TAB1: variants seen among roughly 807,000 people sequenced by gnomAD.
TAB1 encodes TGF-beta-activated kinase 1 and MAP3K7-binding protein 1.
A neutral mutation model predicts 54.5 loss-of-function variants in TAB1; 30 were observed. The observed-to-expected ratio is 0.55, with a 90% CI of 0.41 to 0.75. The LOEUF is 0.75. TAB1 is among the 30% of genes least tolerant of loss of function. The pLI, the probability that TAB1 is intolerant of heterozygous loss-of-function variation, is 0.00. For missense variants in TAB1, 609 were observed against 683.2 expected (o/e 0.89, Z 1.21); for synonymous variants, 289 against 286.9 (o/e 1.01, Z -0.07).
chr22:39,432,113 A>G (rs1927608323), downstream of TAB1, among the ~76,000 whole-genome samples: 1 of 152,182 alleles, frequency 6.6e-6, no homozygotes, highest in South Asian at 2.1e-4. Flanking sequence ...AGATGTGTTC[A>G]TGCACATCTG....
At chr22:39,407,072 T>A (rs531372268) in intron 1 of TAB1, among the ~76,000 whole-genome samples, 1 of 152,334 alleles carries the variant, frequency 6.6e-6, no homozygotes, top group African/African-American at 2.4e-5. Context: ...CTGGGATGAA[T>A]GCATTAAGAT....
downstream of TAB1, among the ~76,000 whole-genome samples, chr22:39,432,178 G>A (rs1246918589): frequency 6.6e-6 from 1 of 152,252 alleles, no homozygotes; most frequent in African/African-American, 2.4e-5. Flanking sequence ...CATGGCCAGT[G>A]GCAGGGTTGT....
rs772628401 is a variant in TAB1, at chr22:39,430,144, G to A, written c.1437G>A (p.Glu479=). 11 of 1,613,876 alleles carry A rather than the reference G, an allele frequency of 6.8e-6. No individual in the cohort carries two copies. The highest frequency in any genetic ancestry group is 6.7e-5 in the East Asian group (3 of 44,896). ...SLPPGEDGRV[E]PYVDFAEFYR... ...CGCCTGGCGAGGACGGTCGTGTTGA[G>A]CCCTATGTGGACTTTGCTGAGTTTT... Residue 479 remains glutamate, a synonymous_variant, in exon 11 of 11, where the codon GAG becomes GAA. Transcript: ENST00000216160.
chr22:39,407,513 T>G (rs1181674590), intron 1 of TAB1, among the ~76,000 whole-genome samples: 1 of 151,246 alleles, frequency 6.6e-6, no homozygotes, highest in East Asian at 2.0e-4. Context: ...AGAGGGAGCC[T>G]CACTCTGTCT....
intron 8 of TAB1, among the ~76,000 whole-genome samples, chr22:39,424,855 C>T (rs1000817236): frequency 1.1e-4 from 16 of 152,058 alleles, no homozygotes; most frequent in African/African-American, 3.9e-4. Context: ...AATTTGGGGT[C>T]CACGGAGTTC....
chr22:39,426,972 G>T lies in TAB1; in HGVS notation c.1144+47G>T, dbSNP rs757555381. The stretch of plus-strand genomic sequence containing the variant: ...GCAGTGCCTGGGGATGCCATCTGGG[G>T]GCCAGAGGTGGGTGCAGAGCCCCCG... On this transcript the variant is annotated intron_variant, in intron 9 of 10. Transcript: ENST00000216160. 3 of 1,578,236 alleles carry T rather than the reference G, an allele frequency of 1.9e-6. No individual in the cohort carries two copies. In the South Asian group the frequency reaches 3.4e-5, roughly 18 times the overall value.
chr22:39,414,932 A>G, intron 1 of TAB1, 74 bp from the exon 2 acceptor site: 2 of 1,584,828 alleles, frequency 1.3e-6, no homozygotes, highest in Non-Finnish European at 1.7e-6. Flanking sequence ...TTTTTGTTGC[A>G]GAAGGAATAG....
chr22:39,436,359 A>G (rs1927784605), downstream of TAB1: 1 of 717,158 alleles, frequency 1.4e-6, no homozygotes, highest in East Asian at 2.6e-5. Flanking sequence ...GTAATATCTC[A>G]TTTAACCTGG....
intron 1 of TAB1, 74 bp downstream of exon 1, chr22:39,399,909 T>G: frequency 6.7e-7 from 1 of 1,503,188 alleles, no homozygotes. Context: ...CAGGAACGGC[T>G]CCTTCTCCGA....
rs778941471 is a variant in TAB1 at position 39,430,138 on chromosome 22, T to A, written c.1431T>A (p.Arg477=). Reference sequence around the variant, plus strand: ...CGCTCCCGCCTGGCGAGGACGGTCGTGTTGAGCCCTATGTGGACTTTGCTG... The same window carrying A: ...CGCTCCCGCCTGGCGAGGACGGTCGAGTTGAGCCCTATGTGGACTTTGCTG... The part of the protein sequence containing the change: ...AHSLPPGEDG[R]VEPYVDFAEF... Residue 477 remains arginine, a synonymous_variant, in exon 11 of 11, where the codon CGT becomes CGA. Coordinates refer to ENST00000216160, the MANE Select transcript of TAB1 (RefSeq NM_006116.3). The A allele has an allele frequency of 4.3e-6, 7 of 1,613,908 alleles. No individual in the cohort carries two copies. The East Asian group carries it at 8.9e-5, about 21-fold the overall frequency.
At chr22:39,419,473 T>C (rs367936255) in intron 6 of TAB1, 46 bp from the exon 7 acceptor site, 2 of 1,481,964 alleles carry the variant, frequency 1.3e-6, no homozygotes, top group Admixed American at 3.7e-5. Flanking sequence ...TTTTTGTTCC[T>C]CTTTGTGAAC....
Position 39,431,088 on chromosome 22 carries a change from C to T in TAB1, c.*866C>T. 1 of 985,652 alleles carries T rather than the reference C, an allele frequency of 1.0e-6. No individual in the cohort carries two copies. Among genetic ancestry groups the T allele is most frequent in the Non-Finnish European group, 1.2e-6 (1 of 830,088 alleles). 61.1% of individuals were successfully genotyped at this position (985,652 alleles called of 1,614,324 possible). On this transcript the variant is annotated 3_prime_UTR_variant, in exon 11 of 11. Coordinates refer to ENST00000216160, the MANE Select transcript of TAB1 (RefSeq NM_006116.3). ...AACTGTCTTTACCACTGATGAGGGG[C>T]CTCTGCCGGCTGAGGGTAGCAAGCA...
At chr22:39,407,451 G>A (rs1200191849) in intron 1 of TAB1, among the ~76,000 whole-genome samples, 3 of 151,794 alleles carry the variant, frequency 2.0e-5, no homozygotes. Context: ...AATAGAGTGG[G>A]CAGCCTTGCT....
chr22:39,402,044 T>C (rs1020122667), intron 1 of TAB1, among the ~76,000 whole-genome samples: 1 of 152,144 alleles, frequency 6.6e-6, no homozygotes, highest in African/African-American at 2.4e-5. Flanking sequence ...CTTGTTATTG[T>C]AGACCTGTGT....
chr22:39,417,976 T>C (rs1224520823), intron 5 of TAB1, 127 bp downstream of exon 5: 5 of 1,244,820 alleles, frequency 4.0e-6, no homozygotes, highest in South Asian at 3.3e-5. Context: ...CCTGAGACCG[T>C]TGGGTATGTC....
At chr22:39,405,440 G>C (rs766387638) in intron 1 of TAB1, among the ~76,000 whole-genome samples, 6 of 152,234 alleles carry the variant, frequency 3.9e-5, no homozygotes, top group Non-Finnish European at 7.3e-5. Flanking sequence ...GTTAAGTCCT[G>C]CGTTCGCTGT....
chr22:39,420,377 A>G (rs988940299), intron 7 of TAB1, among the ~76,000 whole-genome samples: 2 of 152,200 alleles, frequency 1.3e-5, no homozygotes, highest in Admixed American at 1.3e-4. Context: ...CTTAACCGTC[A>G]GGTAACCTGT....
At chr22:39,424,384 A>G (rs929446348) in intron 8 of TAB1, among the ~76,000 whole-genome samples, 1 of 150,170 alleles carries the variant, frequency 6.7e-6, no homozygotes, top group African/African-American at 2.5e-5. Flanking sequence ...ATGCAGATCT[A>G]CTTCGAAAAA....
intron 7 of TAB1, among the ~76,000 whole-genome samples, chr22:39,419,890 C>T (rs762086611): frequency 6.6e-6 from 1 of 152,112 alleles, no homozygotes; most frequent in Non-Finnish European, 1.5e-5. Flanking sequence ...ACTCTTTCTT[C>T]CTCCCAGAGA....
Sources: gnomAD v4.1 joint callset for allele counts (sites outside exome capture counted in the v4.1 genomes callset) on GRCh38, gnomAD v4.1.1 for gene constraint, MANE v1.5 for transcripts, NCBI Gene and HGNC (gene_info 2026-07-23, HGNC 2026-07-21) for gene names.